GLT1D1: variants seen among roughly 807,000 people sequenced by gnomAD.
GLT1D1 encodes the protein glycosyltransferase 1 domain containing 1.
GLT1D1 carries 21 observed loss-of-function variants against 28.7 expected under a neutral mutation model. The ratio of observed to expected loss-of-function variants is 0.73; its 90% CI spans 0.52 to 1.05. The LOEUF (loss-of-function observed/expected upper bound fraction) is 1.05, where lower values mean the gene tolerates loss of function less well. GLT1D1 is among the 50% of genes least tolerant of loss of function. GLT1D1 has a pLI of 0.00. For missense variants in GLT1D1, 343 were observed against 330.6 expected (o/e 1.04, Z -0.29); for synonymous variants, 147 against 124.8 (o/e 1.18, Z -1.19).
intron 6 of GLT1D1, among the ~76,000 whole-genome samples, chr12:128,947,779 T>C (rs1876280348): frequency 6.6e-6 from 1 of 152,098 alleles, no homozygotes; most frequent in South Asian, 2.1e-4. Context: ...AGGAAACAGA[T>C]TGAAGGTATT....
chr12:128,951,125 G>T (rs185210536), intron 6 of GLT1D1, among the ~76,000 whole-genome samples: 1 of 152,106 alleles, frequency 6.6e-6, no homozygotes, highest in Non-Finnish European at 1.5e-5. Flanking sequence ...TGTTGTGGCC[G>T]GGCGCGGTGG....
At chr12:128,863,347 C>G (rs1390344085) in intron 1 of GLT1D1, among the ~76,000 whole-genome samples, 2 of 151,794 alleles carry the variant, frequency 1.3e-5, no homozygotes, top group Admixed American at 6.6e-5. Flanking sequence ...TTGTGACTTG[C>G]AATCAAACAA....
intron 1 of GLT1D1, among the ~76,000 whole-genome samples, chr12:128,853,999 T>G (rs1956141457): frequency 6.6e-6 from 1 of 151,374 alleles, no homozygotes; most frequent in Non-Finnish European, 1.5e-5. Flanking sequence ...CGCAGCGGGG[T>G]CCGCGGAGCT....
At position 128,899,235 on chromosome 12, in the gene GLT1D1, G is replaced by A. The variant is rs755869742; in HGVS notation, c.324-1G>A. The A allele has an allele frequency of 1.9e-6, 3 of 1,610,846 alleles. No individual in the cohort carries two copies. The East Asian group carries it at 6.7e-5, about 36-fold the overall frequency. On this transcript the variant is annotated splice_acceptor_variant, in intron 3 of 7. Coordinates refer to ENST00000281703, the MANE Select transcript of GLT1D1 (RefSeq NM_144669.3). LOFTEE classifies it high-confidence loss of function. ...TTCTATTATTTTTGTTCATTTACTA[G>A]ATTTGCTGTCGCTTTCACAGAGTCA...
chr12:128,953,982 G>A (rs1236597656), intron 6 of GLT1D1, among the ~76,000 whole-genome samples: 2 of 152,244 alleles, frequency 1.3e-5, no homozygotes, highest in Middle Eastern at 3.4e-3. Flanking sequence ...CTGACCTCAG[G>A]TGATTTGCCT....
chr12:128,947,735 C>G (rs1876277537), intron 6 of GLT1D1, among the ~76,000 whole-genome samples: 1 of 152,196 alleles, frequency 6.6e-6, no homozygotes, highest in Non-Finnish European at 1.5e-5. Flanking sequence ...ATATCTCTGA[C>G]AGGAAGGCAG....
intron 7 of GLT1D1, among the ~76,000 whole-genome samples, chr12:128,974,287 C>A (rs1879548971): frequency 6.6e-6 from 1 of 152,082 alleles, no homozygotes; most frequent in Non-Finnish European, 1.5e-5. Context: ...ATCTACGGAC[C>A]CACCCGGCTC....
At chr12:128,963,819 G>A (rs1275502169) in intron 7 of GLT1D1, among the ~76,000 whole-genome samples, 3 of 152,148 alleles carry the variant, frequency 2.0e-5, no homozygotes, top group Non-Finnish European at 2.9e-5. Context: ...CAAGGCCCTC[G>A]GGAATGCACA....
intron 4 of GLT1D1, among the ~76,000 whole-genome samples, chr12:128,904,367 T>C (rs1870612995): frequency 6.6e-6 from 1 of 151,688 alleles, no homozygotes; most frequent in Non-Finnish European, 1.5e-5. Context: ...TAAAGAGGGG[T>C]TTAAGAGCGT....
chr12:128,875,143 AG>A (rs1370124049), intron 1 of GLT1D1, among the ~76,000 whole-genome samples: 1 of 151,980 alleles, frequency 6.6e-6, no homozygotes, highest in Non-Finnish European at 1.5e-5. Flanking sequence ...CTATGATAAT[AG>A]GTGACTTTTG....
intron 7 of GLT1D1, among the ~76,000 whole-genome samples, chr12:128,981,960 C>T (rs114883837): frequency 0.011 from 1,673 of 152,264 alleles, 32 homozygotes; most frequent in African/African-American, 0.039. Flanking sequence ...GACTTACACA[C>T]GCGCATGGAG....
chr12:128,891,672 T>G (rs1869072886), intron 3 of GLT1D1, among the ~76,000 whole-genome samples: 1 of 152,120 alleles, frequency 6.6e-6, no homozygotes, highest in Non-Finnish European at 1.5e-5. Flanking sequence ...AGCCTCAGAT[T>G]CCTTGTTTGG....
chr12:128,895,138 T>G (rs1172126179), intron 3 of GLT1D1, among the ~76,000 whole-genome samples: 1 of 151,938 alleles, frequency 6.6e-6, no homozygotes, highest in Non-Finnish European at 1.5e-5. Context: ...AATGGCTATT[T>G]CTCAAAGGAG....
At chr12:128,967,631 C>T (rs1362685216) in intron 7 of GLT1D1, among the ~76,000 whole-genome samples, 5 of 152,222 alleles carry the variant, frequency 3.3e-5, no homozygotes. Context: ...CTGGGATCAG[C>T]CCACAGCAGG....
chr12:128,863,759 C>T (rs907451289), intron 1 of GLT1D1, among the ~76,000 whole-genome samples: 6 of 151,648 alleles, frequency 4.0e-5, no homozygotes, highest in African/African-American at 7.3e-5. Context: ...CACTGGCTAA[C>T]GCAGTGAAAC....
intron 4 of GLT1D1, among the ~76,000 whole-genome samples, chr12:128,917,098 T>C (rs1872179119): frequency 3.3e-5 from 5 of 152,200 alleles, no homozygotes; most frequent in Admixed American, 2.6e-4. Context: ...TTATTGGAAA[T>C]GTTTTTCTTT....
At chr12:128,916,269 A>G (rs1872103216) in intron 4 of GLT1D1, among the ~76,000 whole-genome samples, 1 of 152,064 alleles carries the variant, frequency 6.6e-6, no homozygotes, top group African/African-American at 2.4e-5. Context: ...CTCTTCTTCT[A>G]TTGATGAACT....
chr12:128,883,888 C>G (rs762535552), intron 2 of GLT1D1, among the ~76,000 whole-genome samples: 14 of 152,096 alleles, frequency 9.2e-5, no homozygotes, highest in Admixed American at 2.6e-4. Context: ...AACCCAAGAC[C>G]TTATGATACA....
At chr12:128,927,831 C>A (rs572628228) in intron 4 of GLT1D1, among the ~76,000 whole-genome samples, 1 of 150,914 alleles carries the variant, frequency 6.6e-6, no homozygotes, top group South Asian at 2.1e-4. Context: ...AAACCCCCAT[C>A]TCTACTAAAA....
Sources: gnomAD v4.1 joint callset for allele counts (sites outside exome capture counted in the v4.1 genomes callset) on GRCh38, gnomAD v4.1.1 for gene constraint, MANE v1.5 for transcripts, NCBI Gene and HGNC (gene_info 2026-07-23, HGNC 2026-07-21) for gene names.